Variants in PARP8 observed in about 807,000 individuals in gnomAD.
PARP8 encodes the protein protein mono-ADP-ribosyltransferase PARP8.
A neutral mutation model predicts 124.1 loss-of-function variants in PARP8; 51 were observed. The ratio of observed to expected loss-of-function variants is 0.41; its 90% CI spans 0.33 to 0.52. PARP8 has a LOEUF of 0.52. Ranked by LOEUF, PARP8 falls within the 20% of genes least tolerant of loss-of-function variation. The pLI is 0.21. For missense variants in PARP8, 860 were observed against 1,018.9 expected (o/e 0.84, Z 2.12); for synonymous variants, 391 against 361.5 (o/e 1.08, Z -0.93).
chr5:50,821,786 A>C (rs930773645), intron 16 of PARP8, among the ~76,000 whole-genome samples: 1 of 152,266 alleles, frequency 6.6e-6, no homozygotes, highest in Non-Finnish European at 1.5e-5. Flanking sequence ...AGCTTGAAAT[A>C]ATTTTATAGA....
chr5:50,677,225 A>G (rs1307937518), intron 2 of PARP8, among the ~76,000 whole-genome samples: 2 of 151,728 alleles, frequency 1.3e-5, no homozygotes, highest in African/African-American at 4.8e-5. Flanking sequence ...TGACTGGGAG[A>G]CCTAAGCTGA....
At chr5:50,717,627 T>G (rs1351002475) in intron 2 of PARP8, among the ~76,000 whole-genome samples, 4 of 151,936 alleles carry the variant, frequency 2.6e-5, no homozygotes, top group Non-Finnish European at 5.9e-5. Flanking sequence ...CCCTGGAATA[T>G]TCCCATAATT....
intron 2 of PARP8, among the ~76,000 whole-genome samples, chr5:50,706,503 C>T (rs966861888): frequency 2.0e-5 from 3 of 152,068 alleles, no homozygotes; most frequent in African/African-American, 7.2e-5. Flanking sequence ...AACAAGCCTA[C>T]TTAACAGTAA....
chr5:50,755,806 T>C (rs1394785540), intron 3 of PARP8, among the ~76,000 whole-genome samples: 1 of 152,174 alleles, frequency 6.6e-6, no homozygotes, highest in African/African-American at 2.4e-5. Flanking sequence ...ATTCTTCCTA[T>C]CCATGAGCAT....
chr5:50,795,155 G>C lies in PARP8; in HGVS notation c.1166G>C (p.Cys389Ser). Residue 389 changes from cysteine to serine, a missense_variant, in exon 12 of 26, where the codon TGT becomes TCT. Physicochemically the swap from Cys to Ser is moderately radical, Grantham distance 112. Around this residue, in one of 2 missense-constraint regions of PARP8, gnomAD observed 517 missense variants for 544.2 expected, o/e 0.95. Transcript: ENST00000281631. ...TCGCATAGACTATTGACTCGATCTT[G>C]TTCTGGAGATCCACGATGTGAGCAC... ...LKSHRLLTRS[C>S]SGDPRCEHNT... 1 of 1,614,188 alleles carries C rather than the reference G, an allele frequency of 6.2e-7. No homozygotes were observed. Among genetic ancestry groups the C allele is most frequent in the Non-Finnish European group, 8.5e-7 (1 of 1,180,034 alleles).
chr5:50,753,726 A>G (rs1759509983), intron 3 of PARP8, among the ~76,000 whole-genome samples: 1 of 152,092 alleles, frequency 6.6e-6, no homozygotes, highest in Admixed American at 6.6e-5. Flanking sequence ...AAAAATATCC[A>G]GAATGTAACA....
intron 2 of PARP8, among the ~76,000 whole-genome samples, chr5:50,709,963 C>G (rs1156356949): frequency 1.9e-5 from 2 of 103,722 alleles, no homozygotes; most frequent in African/African-American, 7.0e-5. Flanking sequence ...TATACACATA[C>G]ATATATACAC....
At chr5:50,815,824 A>G (rs1270451297) in intron 15 of PARP8, among the ~76,000 whole-genome samples, 1 of 152,186 alleles carries the variant, frequency 6.6e-6, no homozygotes, top group Non-Finnish European at 1.5e-5. Flanking sequence ...TGCATGCTTT[A>G]TGTAAAATTT....
At chr5:50,835,309 G>A (rs113813756) in intron 25 of PARP8, among the ~76,000 whole-genome samples, 9,709 of 152,222 alleles carry the variant, frequency 0.064, 362 homozygotes, top group South Asian at 0.18. Context: ...TTGGGAAGCC[G>A]AGGCGGGTGG....
intron 2 of PARP8, among the ~76,000 whole-genome samples, chr5:50,681,321 T>G (rs1409356168): frequency 6.6e-6 from 1 of 152,116 alleles, no homozygotes; most frequent in Non-Finnish European, 1.5e-5. Context: ...TTTTGGATTT[T>G]TTGGCCCTAA....
intron 2 of PARP8, chr5:50,744,682 A>G: frequency 4.3e-6 from 3 of 690,678 alleles, no homozygotes; most frequent in South Asian, 1.5e-5. Flanking sequence ...AATGTAATTA[A>G]TTGTAAGTCA....
chr5:50,696,219 G>A (rs745904063), intron 2 of PARP8, among the ~76,000 whole-genome samples: 23 of 152,242 alleles, frequency 1.5e-4, no homozygotes, highest in Non-Finnish European at 3.2e-4. Flanking sequence ...TTTTTAGACT[G>A]TTTGGGCTGT....
At chr5:50,794,702 T>A (rs1241771403) in intron 11 of PARP8, 151 bp from the exon 12 acceptor site, 1 of 744,060 alleles carries the variant, frequency 1.3e-6, no homozygotes, top group Non-Finnish European at 2.2e-6. Flanking sequence ...ATTCTGCACA[T>A]ACCTTTGATT....
At chr5:50,697,488 T>G (rs1325158298) in intron 2 of PARP8, among the ~76,000 whole-genome samples, 1 of 152,190 alleles carries the variant, frequency 6.6e-6, no homozygotes, top group Non-Finnish European at 1.5e-5. Context: ...GAATCCAAAT[T>G]ATATTTATCG....
intron 2 of PARP8, among the ~76,000 whole-genome samples, chr5:50,726,103 C>T (rs1200329433): frequency 1.3e-5 from 2 of 151,988 alleles, no homozygotes; most frequent in Non-Finnish European, 1.5e-5. Context: ...AGTCGTCCTC[C>T]TCCCTACTTA....
At chr5:50,723,968 A>G (rs1469591176) in intron 2 of PARP8, among the ~76,000 whole-genome samples, 1 of 152,122 alleles carries the variant, frequency 6.6e-6, no homozygotes, top group Non-Finnish European at 1.5e-5. Flanking sequence ...TCTTTAGGCA[A>G]ACATTCATTT....
At chr5:50,768,026 T>G (rs1247279228) in intron 7 of PARP8, among the ~76,000 whole-genome samples, 1 of 152,154 alleles carries the variant, frequency 6.6e-6, no homozygotes, top group Non-Finnish European at 1.5e-5. Flanking sequence ...TGTGTGTGTG[T>G]GTGTGTGTTC....
intron 25 of PARP8, among the ~76,000 whole-genome samples, chr5:50,840,712 G>T (rs977025305): frequency 4.0e-5 from 6 of 151,772 alleles, no homozygotes; most frequent in Non-Finnish European, 8.8e-5. Flanking sequence ...AACCATCATT[G>T]AAATGAGAGT....
At chr5:50,793,640 G>A (rs796073144) in intron 10 of PARP8, among the ~76,000 whole-genome samples, 36 of 152,256 alleles carry the variant, frequency 2.4e-4, no homozygotes, top group African/African-American at 7.9e-4. Context: ...GATATAATTT[G>A]CTGACCACAT....
Sources: gnomAD v4.1 joint callset for allele counts (sites outside exome capture counted in the v4.1 genomes callset) on GRCh38, gnomAD v4.1.1 for gene constraint, gnomAD v4.1.1 regional missense constraint, MANE v1.5 for transcripts, NCBI Gene and HGNC (gene_info 2026-07-23, HGNC 2026-07-21) for gene names.